ACOT1: variants seen among roughly 807,000 people sequenced by gnomAD.
ACOT1 encodes the protein acyl-coenzyme A thioesterase 1.
In ACOT1, 8 loss-of-function variants were observed where a neutral mutation model predicts 15.7. The ratio of observed to expected loss-of-function variants is 0.51; its 90% CI spans 0.30 to 0.92. The LOEUF (loss-of-function observed/expected upper bound fraction) is 0.92. Ranked by LOEUF, ACOT1 falls within the 40% of genes least tolerant of loss-of-function variation. The probability of loss-of-function intolerance (pLI) is 0.06; values close to 1 mark genes in which losing one functional copy is unlikely to be tolerated. For synonymous variants in ACOT1, 67 were observed against 241.2 expected (o/e 0.28, Z 6.69); for missense variants, 151 against 539.4 (o/e 0.28, Z 7.13).
chr14:73,502,998 A>G, the ACOT1 span: 9 of 1,613,246 alleles, frequency 5.6e-6, no homozygotes, highest in African/African-American at 1.1e-4. Flanking sequence ...AGCTGGATCA[A>G]CTTATGTTTC....
chr14:73,515,540 C>T, the ACOT1 span, among the ~76,000 whole-genome samples: 1 of 151,486 alleles, frequency 6.6e-6, no homozygotes, highest in Non-Finnish European at 1.5e-5. Context: ...ATTTGCTAGG[C>T]GTGGTGGTGG....
At chr14:73,506,591 G>C in the ACOT1 span, 2 of 1,549,492 alleles carry the variant, frequency 1.3e-6, no homozygotes, top group Non-Finnish European at 1.8e-6. Flanking sequence ...TGGAAGACTT[G>C]TATGGATATT....
the ACOT1 span, among the ~76,000 whole-genome samples, chr14:73,524,992 T>C: frequency 6.6e-6 from 1 of 152,132 alleles, no homozygotes; most frequent in Middle Eastern, 3.2e-3. Context: ...TATTTCTTTC[T>C]GTTAAGGGCA....
chr14:73,495,219 G>A, the ACOT1 span: 4 of 1,611,790 alleles, frequency 2.5e-6, no homozygotes, highest in Admixed American at 1.7e-5. Context: ...TCACCCCTAG[G>A]AAACCTACCC....
At chr14:73,530,121 C>T in the ACOT1 span, 1 of 100,618 alleles carries the variant, frequency 9.9e-6, no homozygotes, top group Non-Finnish European at 2.2e-5. Flanking sequence ...CACCACCATG[C>T]CTGGCTAATG....
the ACOT1 span, chr14:73,518,974 C>A: frequency 1.3e-6 from 2 of 1,557,678 alleles, no homozygotes; most frequent in East Asian, 2.3e-5. Flanking sequence ...TGGGAAGTAG[C>A]CACATTCCCG....
chr14:73,493,000 T>TTC, the ACOT1 span: 1 of 656,750 alleles, frequency 1.5e-6, no homozygotes, highest in Non-Finnish European at 2.2e-6. The surrounding 1 kb of genome is among the most constrained non-coding windows in gnomAD (Gnocchi z 4.9). Flanking sequence ...CACTGCTACC[T>TTC]TTTTTTTTTT....
chr14:73,492,238 T>A, the ACOT1 span: 1 of 1,614,032 alleles, frequency 6.2e-7, no homozygotes, highest in Non-Finnish European at 8.5e-7. This position sits in a 1 kb window ranked among gnomAD's most constrained non-coding sequence, Gnocchi z 4.9. Context: ...TTCACCAAGC[T>A]GAATGCCAGG....
At chr14:73,514,368 C>G in the ACOT1 span, 3 of 730,320 alleles carry the variant, frequency 4.1e-6, no homozygotes, top group Admixed American at 4.9e-5. Flanking sequence ...GTGAATTTCC[C>G]CATGATTATA....
chr14:73,527,897 T>G, the ACOT1 span, among the ~76,000 whole-genome samples: 6 of 143,898 alleles, frequency 4.2e-5, no homozygotes, highest in African/African-American at 1.6e-4. Context: ...GAGAGTTCCT[T>G]GAACCTGACA....
the ACOT1 span, chr14:73,498,181 G>A: frequency 1.8e-4 from 298 of 1,612,994 alleles, no homozygotes; most frequent in Non-Finnish European, 2.4e-4. Flanking sequence ...GGTTCTCCAG[G>A]AGCAGCACGT....
chr14:73,526,577 A>C, the ACOT1 span, among the ~76,000 whole-genome samples: 1 of 152,134 alleles, frequency 6.6e-6, no homozygotes, highest in South Asian at 2.1e-4. Context: ...GACAAAGTCC[A>C]GAAGACTTTG....
At chr14:73,532,111 AAG>A in the ACOT1 span, among the ~76,000 whole-genome samples, 1 of 115,946 alleles carries the variant, frequency 8.6e-6, no homozygotes, top group Non-Finnish European at 1.9e-5. Flanking sequence ...AATCCTGAGA[AAG>A]AGGCAAAGCA....
the ACOT1 span, chr14:73,491,029 C>A: frequency 6.5e-7 from 1 of 1,549,208 alleles, no homozygotes; most frequent in South Asian, 1.2e-5. Context: ...TGGATGGGCT[C>A]CAGGCCAGTG....
the ACOT1 span, among the ~76,000 whole-genome samples, chr14:73,521,794 A>G: frequency 2.0e-5 from 3 of 152,160 alleles, no homozygotes; most frequent in Non-Finnish European, 2.9e-5. Flanking sequence ...CCTCGGTGCT[A>G]TGAGGTTCCT....
the ACOT1 span, among the ~76,000 whole-genome samples, chr14:73,501,085 A>G: frequency 6.6e-6 from 1 of 152,112 alleles, no homozygotes; most frequent in South Asian, 2.1e-4. Flanking sequence ...ATGCCTATGC[A>G]GTCTTTTTGT....
At chr14:73,493,386 A>C in the ACOT1 span, 1 of 409,682 alleles carries the variant, frequency 2.4e-6, no homozygotes, top group Non-Finnish European at 4.5e-6. Flanking sequence ...TAAAGTGCCA[A>C]AGAATGTTTC....
At chr14:73,522,300 G>A in the ACOT1 span, 1 of 1,614,166 alleles carries the variant, frequency 6.2e-7, no homozygotes, top group Non-Finnish European at 8.5e-7. Context: ...AGCAGTTCTG[G>A]CTTCTTCTTT....
the ACOT1 span, chr14:73,490,995 G>A: frequency 1.1e-4 from 146 of 1,356,916 alleles, no homozygotes; most frequent in Non-Finnish European, 1.3e-4. Context: ...CGGCCGGGCG[G>A]GGAAGACTGG....
Sources: gnomAD v4.1 joint callset for allele counts (sites outside exome capture counted in the v4.1 genomes callset) on GRCh38, gnomAD v4.1.1 for gene constraint, Gnocchi (gnomAD v3.1) non-coding constraint, MANE v1.5 for transcripts, NCBI Gene and HGNC (gene_info 2026-07-23, HGNC 2026-07-21) for gene names.